The following GRIK2 variants were observed in gnomAD, a reference collection of about 807,000 sequenced individuals.
GRIK2 encodes glutamate receptor ionotropic, kainate 2.
A neutral mutation model predicts 100.3 loss-of-function variants in GRIK2; 32 were observed. The ratio of observed to expected loss-of-function variants is 0.32; its 90% CI spans 0.24 to 0.43. The LOEUF (loss-of-function observed/expected upper bound fraction) is 0.43, where lower values mean the gene tolerates loss of function less well. GRIK2 is among the 20% of genes least tolerant of loss of function. The pLI is 1.00. For missense variants in GRIK2, 843 were observed against 1,114.9 expected (o/e 0.76, Z 3.47); for synonymous variants, 417 against 389.4 (o/e 1.07, Z -0.83).
intron 2 of GRIK2, among the ~76,000 whole-genome samples, chr6:101,473,677 T>G (rs1772071512): frequency 6.6e-6 from 1 of 151,888 alleles, no homozygotes. Flanking sequence ...AATCAGTTGG[T>G]TTTGCTGCCA....
At chr6:101,884,574 T>C (rs1306951322) in intron 11 of GRIK2, among the ~76,000 whole-genome samples, 1 of 152,142 alleles carries the variant, frequency 6.6e-6, no homozygotes, top group Non-Finnish European at 1.5e-5. Flanking sequence ...ATTAGACCAA[T>C]AATTTTTACC....
chr6:101,748,733 TTTGA>T (rs1193861017), intron 7 of GRIK2, among the ~76,000 whole-genome samples: 1 of 152,180 alleles, frequency 6.6e-6, no homozygotes, highest in African/African-American at 2.4e-5. Context: ...TCTCCAGCAG[TTTGA>T]TTGACTATCA....
rs1554284519 is a variant in GRIK2 at position 101,909,378 on chromosome 6, T to TTGTTTTG, written c.1749-15222_1749-15221insGTTTTGT. ...ATGCTGAAGGAAGATAGGGTTTTCT[T>TTGTTTTG]TTTCTTTTTTTTTTTTTTAAAGATC... On this transcript the variant is annotated intron_variant, in intron 12 of 16. Coordinates refer to ENST00000369134, the MANE Select transcript of GRIK2 (RefSeq NM_021956.5). Among the ~76,000 whole-genome samples the TTGTTTTG allele has an allele frequency of 6.0e-3, 720 of 120,394 alleles. 24 individuals are homozygous for TTGTTTTG. Among genetic ancestry groups the TTGTTTTG allele is most frequent in the African/African-American group, 0.02 (668 of 33,908 alleles). 79.0% of individuals were successfully genotyped at this position (120,394 alleles called of 152,430 possible).
intron 2 of GRIK2, among the ~76,000 whole-genome samples, chr6:101,541,049 CCTGAATCT>C (rs748284027): frequency 3.9e-5 from 6 of 151,938 alleles, no homozygotes; most frequent in Middle Eastern, 3.4e-3. Context: ...TCATGGCAGC[CCTGAATCT>C]CAGTAGTAGA....
At chr6:101,996,301 T>C (rs544791308) in intron 14 of GRIK2, among the ~76,000 whole-genome samples, 1 of 152,252 alleles carries the variant, frequency 6.6e-6, no homozygotes, top group South Asian at 2.1e-4. Flanking sequence ...GAGGCCATTA[T>C]AGTTTAGGGA....
intron 2 of GRIK2, among the ~76,000 whole-genome samples, chr6:101,446,260 T>A (rs946300197): frequency 3.6e-4 from 55 of 151,968 alleles, no homozygotes; most frequent in Non-Finnish European, 7.4e-4. Flanking sequence ...GAATGATAAA[T>A]TTTGCAAATT....
At chr6:101,886,657 G>A (rs1224534546) in intron 11 of GRIK2, among the ~76,000 whole-genome samples, 8 of 151,566 alleles carry the variant, frequency 5.3e-5, no homozygotes, top group Non-Finnish European at 2.9e-5. Context: ...TTTCAAGAAT[G>A]CAATATATTA....
intron 2 of GRIK2, among the ~76,000 whole-genome samples, chr6:101,577,802 T>C (rs1052606574): frequency 6.6e-6 from 1 of 152,156 alleles, no homozygotes; most frequent in East Asian, 1.9e-4. Context: ...ACAATGTATA[T>C]TCATTTCCTT....
chr6:101,661,956 G>A (rs1382710478), intron 4 of GRIK2, among the ~76,000 whole-genome samples: 1 of 152,126 alleles, frequency 6.6e-6, no homozygotes, highest in African/African-American at 2.4e-5. Context: ...AAGAAAATTT[G>A]TTTATATCAT....
rs3029072 is a variant in GRIK2, at chr6:101,970,207, AT to A, written c.2085+41586del. On this transcript the variant is annotated intron_variant, in intron 14 of 16. Transcript: ENST00000369134. ...CTAATGCCAAAGGGCCAGAGTAATG[AT>A]TTTTTTTTTTCTCTAGGATTTTTGG... is the stretch of plus-strand genomic sequence containing the variant. Among the ~76,000 whole-genome samples, 1,037 of 149,552 alleles carry A rather than the reference AT, an allele frequency of 6.9e-3. 10 individuals carry two copies. Among genetic ancestry groups the A allele is most frequent in the African/African-American group, 0.021 (878 of 40,848 alleles).
At chr6:101,903,784 C>CAAA (rs11411245) in intron 12 of GRIK2, among the ~76,000 whole-genome samples, 3 of 147,866 alleles carry the variant, frequency 2.0e-5, no homozygotes, top group African/African-American at 2.5e-5. Context: ...GAAGTTGGAG[C>CAAA]AAAAAAAAAA....
intron 2 of GRIK2, among the ~76,000 whole-genome samples, chr6:101,567,631 C>G (rs911009390): frequency 6.6e-6 from 1 of 151,922 alleles, no homozygotes; most frequent in African/African-American, 2.4e-5. Flanking sequence ...TTCAGAAATT[C>G]TTTAGAAACA....
At chr6:102,005,134 G>A (rs944691375) in intron 14 of GRIK2, among the ~76,000 whole-genome samples, 6 of 150,940 alleles carry the variant, frequency 4.0e-5, no homozygotes, top group Non-Finnish European at 7.4e-5. Context: ...TATTTCATAT[G>A]TGCAGTATAT....
chr6:101,844,235 A>T (rs556677353), intron 10 of GRIK2, among the ~76,000 whole-genome samples: 3 of 152,280 alleles, frequency 2.0e-5, no homozygotes, highest in African/African-American at 7.2e-5. Flanking sequence ...GTATTGAGAG[A>T]TACAATAGTC....
chr6:102,035,753 A>G (rs1343954117), intron 15 of GRIK2, among the ~76,000 whole-genome samples, 187 bp downstream of exon 15: 1 of 151,432 alleles, frequency 6.6e-6, no homozygotes, highest in East Asian at 1.9e-4. Context: ...TAAGTCAAAA[A>G]TAGGAAAAAA....
At chr6:101,696,693 C>A (rs1354538492) in intron 7 of GRIK2, among the ~76,000 whole-genome samples, 1 of 151,790 alleles carries the variant, frequency 6.6e-6, no homozygotes, top group Non-Finnish European at 1.5e-5. Flanking sequence ...TAACTCAAGA[C>A]ATCATGGGGC....
At chr6:101,429,534 A>G (rs1039894892) in intron 2 of GRIK2, among the ~76,000 whole-genome samples, 3 of 152,196 alleles carry the variant, frequency 2.0e-5, no homozygotes, top group African/African-American at 7.2e-5. Context: ...AAGAGCCTAA[A>G]AAGAAAGTGC....
chr6:101,642,136 TAAAA>T (rs1381970121), intron 4 of GRIK2, among the ~76,000 whole-genome samples: 1 of 151,856 alleles, frequency 6.6e-6, no homozygotes, highest in East Asian at 1.9e-4. Flanking sequence ...TTTTGCAAAA[TAAAA>T]CAGAATTCTG....
At chr6:101,586,913 AG>A (rs1379048357) in intron 2 of GRIK2, among the ~76,000 whole-genome samples, 87 of 126,508 alleles carry the variant, frequency 6.9e-4, no homozygotes, top group Middle Eastern at 4.8e-3. Context: ...AAAAAAAAAA[AG>A]AGAGATATCA....
Sources: allele counts gnomAD v4.1 joint callset (sites outside exome capture counted in the v4.1 genomes callset), GRCh38; gene constraint gnomAD v4.1.1; transcripts MANE v1.5; gene names NCBI Gene and HGNC (gene_info 2026-07-23, HGNC 2026-07-21).